The following DRD3 variants were observed in gnomAD, a reference collection of about 807,000 sequenced individuals.
DRD3 encodes dopamine receptor D3.
DRD3 carries 19 observed loss-of-function variants against 36.3 expected under a neutral mutation model. The ratio of observed to expected loss-of-function variants is 0.52; its 90% CI spans 0.36 to 0.77. The LOEUF is 0.77. Among genes scored for constraint, DRD3 ranks in the 30% least tolerant of loss-of-function variants. DRD3 has a pLI of 0.00. For missense variants in DRD3, 465 were observed against 505.3 expected, an observed-to-expected ratio of 0.92 and a Z score of 0.77; for synonymous variants, 195 against 203.7, an observed-to-expected ratio of 0.96 and a Z score of 0.36.
At chr3:114,182,608 T>C (rs900323523), upstream of DRD3, among the ~76,000 whole-genome samples, 2 of 152,072 alleles carry the variant, frequency 1.3e-5, no homozygotes, top group African/African-American at 4.8e-5. Context: ...TAATTTTTTC[T>C]TTTTTTCTTT....
At chr3:114,190,054 G>A (rs543243203) in intron 1 of DRD3, among the ~76,000 whole-genome samples, 1 of 152,154 alleles carries the variant, frequency 6.6e-6, no homozygotes, top group South Asian at 2.1e-4. Flanking sequence ...GTAACCTGTG[G>A]AATTGCTGAT....
chr3:114,194,826 AT>A lies in DRD3; in HGVS notation c.-156+4446del, dbSNP rs112242006. Among the ~76,000 whole-genome samples the A allele has an allele frequency of 4.4e-3, 627 of 143,868 alleles. 2 individuals are homozygous for A. The highest frequency in any genetic ancestry group is 0.011 in the Middle Eastern group (3 of 278). The allele number at this position is 143,868 out of a possible 152,430, so 94.4% of individuals were successfully genotyped here. ...ACATGGTCTTGGGCATCTTGCAAAG[AT>A]TTTTTTTTTTTTTTGAAACCACTTA... On this transcript the variant is annotated intron_variant, in intron 1 of 7. Coordinates refer to the DRD3 transcript ENST00000460779.
chr3:114,185,490 T>G lies in DRD3; in HGVS notation c.-155-6714A>C, dbSNP rs187091673. On this transcript the variant is annotated intron_variant, in intron 1 of 7. Coordinates refer to the DRD3 transcript ENST00000460779. The stretch of plus-strand genomic sequence containing the variant: ...TCTATCTCTTCGCTAATATTTCCAT[T>G]TTATTCATAGGTTGTTTTCTTGACT... Among the ~76,000 whole-genome samples, 336 of 152,286 alleles carry G rather than the reference T, an allele frequency of 2.2e-3. 3 individuals carry two copies. The highest frequency in any genetic ancestry group is 7.3e-3 in the African/African-American group (303 of 41,560).
intron 1 of DRD3, among the ~76,000 whole-genome samples, chr3:114,172,807 A>G (rs2077859631): frequency 6.6e-6 from 1 of 152,192 alleles, no homozygotes; most frequent in Non-Finnish European, 1.5e-5. Context: ...GGTAATTTAT[A>G]AAGAGCAGAA....
intron 4 of DRD3, among the ~76,000 whole-genome samples, chr3:114,140,340 C>G (rs1045644304): frequency 6.6e-6 from 1 of 152,154 alleles, no homozygotes; most frequent in African/African-American, 2.4e-5. Flanking sequence ...AGAATGTGCA[C>G]TTAGAAGGGT....
intron 4 of DRD3, 55 bp from the exon 5 acceptor site, chr3:114,139,751 G>C: frequency 2.6e-6 from 4 of 1,561,636 alleles, no homozygotes; most frequent in Non-Finnish European, 3.5e-6. Flanking sequence ...AACTCAGTAA[G>C]GAGCATAAAA....
At chr3:114,193,964 G>A (rs1280105139) in intron 1 of DRD3, among the ~76,000 whole-genome samples, 1 of 152,010 alleles carries the variant, frequency 6.6e-6, no homozygotes, top group Non-Finnish European at 1.5e-5. Flanking sequence ...TACACATTCT[G>A]CACTCTTGGT....
intron 2 of DRD3, among the ~76,000 whole-genome samples, chr3:114,164,636 T>C (rs1475640894): frequency 6.6e-6 from 1 of 152,248 alleles, no homozygotes; most frequent in African/African-American, 2.4e-5. Context: ...AAGGGGAGCA[T>C]AAAATGATCC....
intron 1 of DRD3, among the ~76,000 whole-genome samples, chr3:114,198,439 G>T (rs1407852442): frequency 2.0e-5 from 3 of 151,678 alleles, no homozygotes; most frequent in Non-Finnish European, 4.4e-5. Flanking sequence ...ACTCAGCCTG[G>T]TTTATAATTT....
At chr3:114,197,321 A>G (rs1275173237) in intron 1 of DRD3, among the ~76,000 whole-genome samples, 1 of 119,938 alleles carries the variant, frequency 8.3e-6, no homozygotes, top group Non-Finnish European at 1.6e-5. Flanking sequence ...AGGTCTCGCC[A>G]TGTTGCCCAG....
chr3:114,195,002 G>A (rs774510139), intron 1 of DRD3, among the ~76,000 whole-genome samples: 3 of 152,098 alleles, frequency 2.0e-5, no homozygotes, highest in Non-Finnish European at 4.4e-5. Flanking sequence ...AATTCCCCCA[G>A]GCAGGTATCT....
rs149642480 is a variant in DRD3, at chr3:114,152,230, A to G, written c.384-4673T>C. Reference sequence around the variant, plus strand: ...CCCTCACCCCACTCCCCTTCATCTGATGCAAGTCCTCTCTCGAATCCCCCT... The same window carrying G: ...CCCTCACCCCACTCCCCTTCATCTGGTGCAAGTCCTCTCTCGAATCCCCCT... On this transcript the variant is annotated intron_variant, in intron 3 of 6. Transcript: ENST00000383673. Among the ~76,000 whole-genome samples, 1,323 of 152,126 alleles carry G rather than the reference A, an allele frequency of 8.7e-3. 18 individuals carry two copies. The highest frequency in any genetic ancestry group is 0.011 in the Non-Finnish European group (728 of 67,992).
intron 1 of DRD3, among the ~76,000 whole-genome samples, chr3:114,186,517 T>C (rs1206420583): frequency 6.6e-6 from 1 of 152,218 alleles, no homozygotes; most frequent in Non-Finnish European, 1.5e-5. Context: ...CTCCTTTGTC[T>C]GAATCTCTGT....
At chr3:114,133,880 G>C (rs1008014825) in intron 5 of DRD3, among the ~76,000 whole-genome samples, 1 of 152,208 alleles carries the variant, frequency 6.6e-6, no homozygotes, top group Non-Finnish European at 1.5e-5. Context: ...TCAGGCACAT[G>C]CACCAAGCCC....
intron 2 of DRD3, among the ~76,000 whole-genome samples, chr3:114,167,139 C>A (rs1432209489): frequency 2.6e-5 from 4 of 152,150 alleles, no homozygotes; most frequent in Non-Finnish European, 5.9e-5. Context: ...TGGTGCGTTT[C>A]CTTGCCTGAA....
chr3:114,135,880 A>G (rs1396930063), intron 5 of DRD3, among the ~76,000 whole-genome samples: 1 of 151,800 alleles, frequency 6.6e-6, no homozygotes, highest in Non-Finnish European at 1.5e-5. Context: ...TTAAGTAGAG[A>G]TGGGGTTTCA....
intron 1 of DRD3, among the ~76,000 whole-genome samples, chr3:114,195,381 T>A (rs1416743671): frequency 6.6e-6 from 1 of 152,218 alleles, no homozygotes; most frequent in South Asian, 2.1e-4. Flanking sequence ...TGATTCACTA[T>A]GCATAGCCAA....
At chr3:114,160,309 C>A (rs184722538) in intron 2 of DRD3, among the ~76,000 whole-genome samples, 2 of 151,878 alleles carry the variant, frequency 1.3e-5, no homozygotes, top group Non-Finnish European at 1.5e-5. Context: ...TGCAATGGTG[C>A]GATCTCGGCT....
chr3:114,156,763 C>CTTTCTTTCTTTCTTACTTTCTTTCTT (rs2077676431), intron 3 of DRD3, among the ~76,000 whole-genome samples: 12 of 102,062 alleles, frequency 1.2e-4, no homozygotes, highest in African/African-American at 3.5e-4. Flanking sequence ...TTCTTTCTTT[C>CTTTCTTTCTTTCTTACTTTCTTTCTT]TTTCTTTCTT....
Sources: allele counts gnomAD v4.1 joint callset (sites outside exome capture counted in the v4.1 genomes callset), GRCh38; gene constraint gnomAD v4.1.1; transcripts MANE v1.5; gene names NCBI Gene and HGNC (gene_info 2026-07-23, HGNC 2026-07-21).